EBF1: variants seen among roughly 807,000 people sequenced by gnomAD.
EBF1 encodes transcription factor COE1.
Under a neutral mutation model 68.4 loss-of-function variants are expected in EBF1, and 10 were observed. The observed-to-expected ratio is 0.15, with a 90% confidence interval of 0.09 to 0.25. EBF1 has a LOEUF of 0.25. Among genes scored for constraint, EBF1 ranks in the 10% least tolerant of loss-of-function variants. EBF1 has a pLI of 1.00. For synonymous variants in EBF1, 298 were observed against 299.8 expected (o/e 0.99, Z 0.06); for missense variants, 509 against 794.4 (o/e 0.64, Z 4.32).
At chr5:159,085,792 A>T (rs990116786) in intron 4 of EBF1, among the ~76,000 whole-genome samples, 3 of 152,066 alleles carry the variant, frequency 2.0e-5, no homozygotes, top group Non-Finnish European at 4.4e-5. Flanking sequence ...ATATATCTTT[A>T]TATAGTACAT....
Position 158,824,205 on chromosome 5 carries a change from C to G in EBF1, c.637-888G>C, listed in dbSNP as rs1403406946. Among the ~76,000 whole-genome samples, 3 of 152,304 alleles carry G rather than the reference C, an allele frequency of 2.0e-5. No individual in the cohort carries two copies. The East Asian group carries it at 5.8e-4, about 29-fold the overall frequency. On this transcript the variant is annotated intron_variant, in intron 7 of 15. Coordinates refer to ENST00000313708, the MANE Select transcript of EBF1 (RefSeq NM_024007.5). ...ATTGTCTGTAATTGCAGCTTCAGCT[C>G]CCACCTCATGCTTTGACATGGGAAA...
At chr5:159,030,404 G>T (rs1420220375) in intron 6 of EBF1, among the ~76,000 whole-genome samples, 4 of 152,104 alleles carry the variant, frequency 2.6e-5, no homozygotes, top group Admixed American at 2.6e-4. Flanking sequence ...TGGCATAAAA[G>T]AAATACTCCA....
At chr5:159,077,065 G>A (rs985600040) in intron 5 of EBF1, among the ~76,000 whole-genome samples, 8 of 152,126 alleles carry the variant, frequency 5.3e-5, no homozygotes, top group African/African-American at 1.9e-4. Context: ...AGAGAGGGAG[G>A]GGAAGAGACA....
intron 6 of EBF1, among the ~76,000 whole-genome samples, chr5:159,036,385 C>T (rs930826711): frequency 6.6e-6 from 1 of 150,674 alleles, no homozygotes; most frequent in Non-Finnish European, 1.5e-5. Context: ...GGAGGTATCA[C>T]ACTACCTGAC....
intron 8 of EBF1, among the ~76,000 whole-genome samples, chr5:158,822,095 A>G (rs940690499): frequency 1.3e-4 from 20 of 152,308 alleles, no homozygotes; most frequent in African/African-American, 4.3e-4. Flanking sequence ...AAAGCAGGCA[A>G]TCAGGTGATC....
At chr5:159,035,037 A>G (rs1247005200) in intron 6 of EBF1, among the ~76,000 whole-genome samples, 2 of 152,188 alleles carry the variant, frequency 1.3e-5, no homozygotes, top group African/African-American at 2.4e-5. Context: ...CAAAAAATAA[A>G]CCAGAAGCCA....
chr5:158,860,848 T>G lies in EBF1; in HGVS notation c.555-20738A>C, dbSNP rs533054813. ...GAACTCTGATATCGCCATCATGACA[T>G]CCACCTCCAGCACCCTGCACAAGGG... On this transcript the variant is annotated intron_variant, in intron 6 of 15. Transcript: ENST00000313708. Among the ~76,000 whole-genome samples, 3 of 152,236 alleles carry G rather than the reference T, an allele frequency of 2.0e-5. No individual in the cohort carries two copies. In the South Asian group the frequency reaches 6.2e-4, roughly 32 times the overall value.
At chr5:158,767,055 T>G (rs968183128) in intron 10 of EBF1, among the ~76,000 whole-genome samples, 1 of 152,148 alleles carries the variant, frequency 6.6e-6, no homozygotes, top group Non-Finnish European at 1.5e-5. Context: ...TACCAGAAAT[T>G]TATAATTTAG....
At position 158,733,050 on chromosome 5, in the gene EBF1, A is replaced by T. The variant is rs1015866178; in HGVS notation, c.1037-1893T>A. ...AACCCTTGAGAAGAATTCTTTTTTC[A>T]AATTAGACTTGTAGAGAAAATGCCA... On this transcript the variant is annotated intron_variant, in intron 10 of 15. Coordinates refer to ENST00000313708, the MANE Select transcript of EBF1 (RefSeq NM_024007.5). 7.2e-5 allele frequency among the ~76,000 whole-genome samples: 11 copies of T among 152,196 alleles called. No individual in the cohort carries two copies. The South Asian group carries it at 2.3e-3, about 32-fold the overall frequency.
intron 7 of EBF1, among the ~76,000 whole-genome samples, chr5:158,838,445 C>A (rs374590065): frequency 3.7e-3 from 411 of 110,320 alleles, no homozygotes; most frequent in Admixed American, 5.5e-3. Flanking sequence ...GACTCCATCT[C>A]AAAAAAAAAA....
intron 6 of EBF1, among the ~76,000 whole-genome samples, chr5:158,933,778 T>G (rs1486109377): frequency 6.6e-6 from 1 of 152,192 alleles, no homozygotes; most frequent in Non-Finnish European, 1.5e-5. Flanking sequence ...CAATATAGGT[T>G]TCTTTTTCAC....
chr5:159,065,342 C>G (rs886437256), intron 6 of EBF1, among the ~76,000 whole-genome samples: 1 of 152,270 alleles, frequency 6.6e-6, no homozygotes, highest in African/African-American at 2.4e-5. Context: ...GTCTAAGTCG[C>G]GTGCACCACC....
chr5:159,079,755 G>C (rs1399129044), intron 5 of EBF1, among the ~76,000 whole-genome samples: 1 of 151,814 alleles, frequency 6.6e-6, no homozygotes, highest in Non-Finnish European at 1.5e-5. Flanking sequence ...TGGACCACAG[G>C]TTCACACACC....
At chr5:158,948,695 C>T (rs1815358933) in intron 6 of EBF1, among the ~76,000 whole-genome samples, 1 of 152,204 alleles carries the variant, frequency 6.6e-6, no homozygotes. Context: ...TGAACCCTCC[C>T]TTGCTTTCTC....
chr5:158,921,891 C>A (rs1004523116), intron 6 of EBF1, among the ~76,000 whole-genome samples: 9 of 152,342 alleles, frequency 5.9e-5, no homozygotes, highest in Middle Eastern at 3.4e-3. Flanking sequence ...CACAGTTGCT[C>A]TATCTTTGGT....
intron 6 of EBF1, among the ~76,000 whole-genome samples, chr5:158,888,562 CT>C (rs1800505071): frequency 6.6e-6 from 1 of 152,034 alleles, no homozygotes; most frequent in African/African-American, 2.4e-5. Flanking sequence ...ATGACTATAT[CT>C]TTTCAATTTA....
rs200273516 is a variant in EBF1 at position 158,800,066 on chromosome 5, GC to G, written c.779-3592del. Among the ~76,000 whole-genome samples the G allele has an allele frequency of 9.2e-5, 14 of 152,210 alleles. No homozygotes were observed. In the East Asian group the frequency reaches 2.5e-3, roughly 27 times the overall value. On this transcript the variant is annotated intron_variant, in intron 8 of 15. Coordinates refer to ENST00000313708, the MANE Select transcript of EBF1 (RefSeq NM_024007.5). ...CCAAATGTTCATTGCGGTATTGACA[GC>G]AAAAAATTCAGATGTCTAGGTGCTC...
chr5:158,710,244 C>T (rs1355388776), intron 14 of EBF1, among the ~76,000 whole-genome samples: 3 of 152,160 alleles, frequency 2.0e-5, no homozygotes, highest in African/African-American at 7.2e-5. Flanking sequence ...CTGAGAAAAT[C>T]AATTAATGGA....
chr5:159,072,602 A>G (rs1357604731), intron 6 of EBF1, among the ~76,000 whole-genome samples: 1 of 152,234 alleles, frequency 6.6e-6, no homozygotes, highest in African/African-American at 2.4e-5. Flanking sequence ...TAAACCTTCC[A>G]GGCCATTTAA....
Sources: allele counts gnomAD v4.1 joint callset (sites outside exome capture counted in the v4.1 genomes callset), GRCh38; gene constraint gnomAD v4.1.1; transcripts MANE v1.5; gene names NCBI Gene and HGNC (gene_info 2026-07-23, HGNC 2026-07-21).